The following TTC7A variants were observed in gnomAD, a reference collection of about 807,000 sequenced individuals.
TTC7A encodes the protein tetratricopeptide repeat domain 7A.
A neutral mutation model predicts 103.7 loss-of-function variants in TTC7A; 110 were observed. The ratio of observed to expected loss-of-function variants is 1.06; its 90% CI spans 0.91 to 1.24. The LOEUF is 1.24. Ranked by LOEUF, TTC7A falls within the 50% of genes most tolerant of loss-of-function variation. The pLI is 0.00. For missense variants in TTC7A, 1,340 were observed against 1,116.3 expected (o/e 1.20, Z -2.86); for synonymous variants, 521 against 467.9 (o/e 1.11, Z -1.47).
rs575101006 is a variant in TTC7A, at chr2:46,920,620, C to G, written c.82+3343C>G. ...TGCTGAGATTATAGGCATGAACCACCATGCCTGGCCTTAGTCTTAGGCTTT... is the reference window on the plus strand; with the variant it reads ...TGCTGAGATTATAGGCATGAACCACGATGCCTGGCCTTAGTCTTAGGCTTT... On this transcript the variant is annotated intron_variant, in intron 2 of 20. Coordinates refer to the TTC7A transcript ENST00000409245. Among the ~76,000 whole-genome samples, 42 of 151,192 alleles carry G rather than the reference C, an allele frequency of 2.8e-4. No individual in the cohort carries two copies. In the Middle Eastern group the frequency reaches 0.01, roughly 37 times the overall value.
At chr2:47,047,831 C>T (rs1682482560) in intron 16 of TTC7A, among the ~76,000 whole-genome samples, 1 of 152,144 alleles carries the variant, frequency 6.6e-6, no homozygotes, top group South Asian at 2.1e-4. Flanking sequence ...CTTGGCTGCC[C>T]CAAACTAGAT....
chr2:46,956,890 G>A lies in TTC7A; in HGVS notation c.400G>A (p.Glu134Lys). The A allele has an allele frequency of 1.9e-6, 3 of 1,614,220 alleles. No homozygotes were observed. The highest frequency in any genetic ancestry group is 1.7e-6 in the Non-Finnish European group (2 of 1,180,034). Residue 134 changes from glutamate (E) to lysine (K), a missense_variant, in exon 3 of 20, where the codon GAG (glutamate) becomes AAG (lysine). Physicochemically the swap from Glu to Lys is moderately conservative, Grantham distance 56 (BLOSUM62 1). Coordinates refer to ENST00000319190, the MANE Select transcript of TTC7A (RefSeq NM_020458.4). ...MLILGKLHYV[E>K]GSYRDAISMY... ...GATCCTGGGCAAACTGCATTACGTG[G>A]AGGGCTCATACCGAGATGCCATCAG... is the stretch of plus-strand genomic sequence containing the variant.
At chr2:46,947,375 C>T (rs775019113) in intron 1 of TTC7A, among the ~76,000 whole-genome samples, 11 of 152,284 alleles carry the variant, frequency 7.2e-5, no homozygotes, top group Middle Eastern at 3.4e-3. Flanking sequence ...GCCAGTCACT[C>T]TTATGGTTTA....
In TTC7A at chr2:47,024,367, G is replaced by A. The variant is rs373765869; in HGVS notation, c.1641+8G>A. 3 of 1,603,794 alleles carry A rather than the reference G, an allele frequency of 1.9e-6. No individual in the cohort carries two copies. The highest frequency in any genetic ancestry group is 1.1e-5 in the South Asian group (1 of 89,666). ...CTGGCCCTCGTCCGACAGGTGGGTT[G>A]TCCGTGTTCCTAACCCCCGGGTCCT... On this transcript the variant is annotated splice_region_variant and intron_variant, in intron 14 of 19. Transcript: ENST00000319190.
At chr2:47,063,398 G>A (rs2692219) in intron 19 of TTC7A, among the ~76,000 whole-genome samples, 121,794 of 152,278 alleles carry the variant, frequency 0.8, 49,054 homozygotes, top group East Asian at 0.93. Context: ...TTGCTAAGCA[G>A]TCACAGCACC....
In TTC7A at chr2:46,950,443, A is replaced by G. The variant is rs990998179; in HGVS notation, c.265A>G (p.Met89Val). 6.2e-7 allele frequency: 1 copy of G among 1,614,140 alleles called. No homozygotes were observed. The highest frequency in any genetic ancestry group is 8.5e-7 in the Non-Finnish European group (1 of 1,180,032). ...KENHAKIKDSMPLLEKNEPKM... is the reference protein window; with the variant it reads ...KENHAKIKDSVPLLEKNEPKM... ...GAACCATGCCAAAATAAAAGACTCC[A>G]TGCCTTTGCTGGAGAAGAATGAGCC... The change falls in exon 2 of 20, where the codon ATG becomes GTG. Residue 89 changes from methionine to valine, a missense_variant. By Grantham distance (21) the Met-to-Val change is conservative. Transcript: ENST00000319190.
chr2:47,042,503 TAA>T (rs11315139), intron 15 of TTC7A, among the ~76,000 whole-genome samples: 2 of 149,826 alleles, frequency 1.3e-5, no homozygotes, highest in African/African-American at 2.4e-5. Flanking sequence ...CTTGTCTCTT[TAA>T]AAAAAAAAAG....
chr2:47,055,922 C>T (rs1474728247), intron 18 of TTC7A, among the ~76,000 whole-genome samples: 1 of 148,480 alleles, frequency 6.7e-6, no homozygotes, highest in Non-Finnish European at 1.5e-5. Context: ...TGCTCCTCTA[C>T]TCTTTGTCAT....
At chr2:46,926,299 A>T (rs369486166) in intron 2 of TTC7A, among the ~76,000 whole-genome samples, 2 of 152,238 alleles carry the variant, frequency 1.3e-5, no homozygotes, top group Non-Finnish European at 2.9e-5. Context: ...GCCATTGCCC[A>T]GGTACTGTGC....
rs369284651 is a variant in TTC7A, at chr2:47,040,196, G to A, written c.1803-6119G>A. Among the ~76,000 whole-genome samples, 7 of 152,286 alleles carry A rather than the reference G, an allele frequency of 4.6e-5. No homozygotes were observed. The East Asian group carries it at 1.2e-3, about 25-fold the overall frequency. On this transcript the variant is annotated intron_variant, in intron 15 of 19. Transcript: ENST00000319190. ...GGCTTCTGTCTGCACTGGGCTCCCCGCCCAGACCAGGGCCTGTGTGCCACG... is the reference window on the plus strand; with the variant it reads ...GGCTTCTGTCTGCACTGGGCTCCCCACCCAGACCAGGGCCTGTGTGCCACG...
chr2:47,042,352 C>T (rs7577969), intron 15 of TTC7A, among the ~76,000 whole-genome samples: 60,028 of 151,858 alleles, frequency 0.4, 13,309 homozygotes, highest in East Asian at 0.63. Context: ...AATTAAAAAA[C>T]TAGCTGGGTG....
chr2:46,994,341 C>G lies in TTC7A; in HGVS notation c.844-16C>G. On this transcript the variant is annotated splice_polypyrimidine_tract_variant and intron_variant, in intron 6 of 19. Coordinates refer to ENST00000319190, the MANE Select transcript of TTC7A (RefSeq NM_020458.4). Reference sequence around the variant, plus strand: ...TGACAACTGTGCCTGGGTCCGAGTGCTTCCCTCTCTGCCAGATGGCGGCCA... The same window carrying G: ...TGACAACTGTGCCTGGGTCCGAGTGGTTCCCTCTCTGCCAGATGGCGGCCA... 1 of 1,608,156 alleles carries G rather than the reference C, an allele frequency of 6.2e-7. No homozygotes were observed. The highest frequency in any genetic ancestry group is 2.2e-5 in the East Asian group (1 of 44,800).
Position 47,047,304 on chromosome 2 carries a change from G to T in TTC7A, c.1919+873G>T, listed in dbSNP as rs4953451. 20,060 of 1,549,790 alleles carry T rather than the reference G, an allele frequency of 0.013. 1,663 individuals are homozygous for T. The East Asian group carries it at 0.26, about 20-fold the overall frequency. Reference sequence around the variant, plus strand: ...CCAGAAGGCTTCCAGACTCCCCAGAGGAACATCTGTAACAGTGAAATTTAC... The same window carrying T: ...CCAGAAGGCTTCCAGACTCCCCAGATGAACATCTGTAACAGTGAAATTTAC... On this transcript the variant is annotated intron_variant, in intron 16 of 19. Coordinates refer to ENST00000319190, the MANE Select transcript of TTC7A (RefSeq NM_020458.4).
chr2:46,969,605 G>A (rs1014575300), intron 3 of TTC7A, among the ~76,000 whole-genome samples: 3 of 152,084 alleles, frequency 2.0e-5, no homozygotes, highest in African/African-American at 2.4e-5. Flanking sequence ...TAGTAGAGAC[G>A]GGGTTTCACC....
At chr2:46,974,668 A>C in intron 3 of TTC7A, 1 of 497,850 alleles carries the variant, frequency 2.0e-6, no homozygotes, top group South Asian at 1.5e-5. Context: ...AAAAAACCTC[A>C]TTCTCTTTCG....
chr2:46,984,965 C>T (rs1674862458), intron 5 of TTC7A, among the ~76,000 whole-genome samples: 1 of 152,204 alleles, frequency 6.6e-6, no homozygotes, highest in Admixed American at 6.5e-5. Context: ...ACTCCCACCC[C>T]TCTGGGACCC....
At chr2:46,928,482 A>C (rs891741810) in intron 2 of TTC7A, among the ~76,000 whole-genome samples, 1 of 146,602 alleles carries the variant, frequency 6.8e-6, no homozygotes, top group South Asian at 2.2e-4. Context: ...AAAAAAAAAA[A>C]AAACTTGGGC....
chr2:47,022,854 G>T (rs1441723501), intron 12 of TTC7A, among the ~76,000 whole-genome samples: 3 of 152,190 alleles, frequency 2.0e-5, no homozygotes, highest in Non-Finnish European at 4.4e-5. Flanking sequence ...TTCGAATCCG[G>T]GGAGCTCTGA....
rs192627390 is a variant in TTC7A, at chr2:46,962,724, G to C, written c.517+5717G>C. Reference sequence around the variant, plus strand: ...TGTCTCTAGTTCTGTCCCATGGGAAGCTCTGCCTTGACTCTTGGCCTTTTG... The same window carrying C: ...TGTCTCTAGTTCTGTCCCATGGGAACCTCTGCCTTGACTCTTGGCCTTTTG... On this transcript the variant is annotated intron_variant, in intron 3 of 19. Transcript: ENST00000319190. Among the ~76,000 whole-genome samples the C allele has an allele frequency of 9.5e-4, 145 of 152,342 alleles. 1 individual carries two copies. The highest frequency in any genetic ancestry group is 3.3e-3 in the African/African-American group (138 of 41,576).
Sources: gnomAD v4.1 joint callset for allele counts (sites outside exome capture counted in the v4.1 genomes callset) on GRCh38, gnomAD v4.1.1 for gene constraint, MANE v1.5 for transcripts, NCBI Gene and HGNC (gene_info 2026-07-23, HGNC 2026-07-21) for gene names.